CRTAC1: variants seen among roughly 807,000 people sequenced by gnomAD.
CRTAC1 encodes the protein cartilage acidic protein 1.
Under a neutral mutation model 67.8 loss-of-function variants are expected in CRTAC1, and 37 were observed. The ratio of observed to expected loss-of-function variants is 0.55; its 90% CI spans 0.42 to 0.72. The LOEUF (loss-of-function observed/expected upper bound fraction) is 0.72, where lower values mean the gene tolerates loss of function less well. Ranked by LOEUF, CRTAC1 falls within the 30% of genes least tolerant of loss-of-function variation. The probability of loss-of-function intolerance (pLI) is 0.00; values close to 1 mark genes in which losing one functional copy is unlikely to be tolerated. For missense variants in CRTAC1, 780 were observed against 931.6 expected (o/e 0.84, Z 2.12); for synonymous variants, 348 against 371.0 (o/e 0.94, Z 0.71).
At position 98,030,603 on chromosome 10, in the gene CRTAC1, CCG is replaced by C; in HGVS notation, c.-133_-132del. On this transcript the variant is annotated 5_prime_UTR_variant, in exon 1 of 15. Transcript: ENST00000370597. The surrounding 1 kb of genome is among the most constrained non-coding windows in gnomAD (Gnocchi z 4.2). The stretch of plus-strand genomic sequence containing the variant: ...TGGCCTCGAGCCTCCCGCCCCGACG[CCG>C]CGCGCTCGCTTTATACAACTCCACT... 3 of 506,486 alleles carry C rather than the reference CCG, an allele frequency of 5.9e-6. No homozygotes were observed. The highest frequency in any genetic ancestry group is 9.1e-6 in the Non-Finnish European group (3 of 328,728). The allele number at this position is 506,486 out of a possible 1,614,324, so 31.4% of individuals were successfully genotyped here.
rs781100573 is a variant in CRTAC1 at position 97,880,336 on chromosome 10, C to G, written c.1732G>C (p.Val578Leu). Residue 578 changes from valine (V) to leucine (L), a missense_variant, in exon 14 of 15, where the codon GTC becomes CTC. Transcript: ENST00000370597. ...FVCPRDKPVC[V>L]NTYGSYRCRT... ...CACCTGTAGCTTCCATAGGTGTTGA[C>G]ACATACGGGCTTGTCTCGAGGGCAC... is the stretch of plus-strand genomic sequence containing the variant. 1.2e-6 allele frequency: 2 copies of G among 1,614,180 alleles called. No individual in the cohort carries two copies. The highest frequency in any genetic ancestry group is 1.7e-6 in the Non-Finnish European group (2 of 1,180,016).
chr10:97,913,396 G>A (rs1454006380), intron 5 of CRTAC1, among the ~76,000 whole-genome samples: 2 of 152,138 alleles, frequency 1.3e-5, no homozygotes, highest in Non-Finnish European at 2.9e-5. Context: ...GGGTGGGGCA[G>A]CAGGACAGGC....
chr10:97,993,759 G>A lies in CRTAC1; in HGVS notation c.224+17379C>T, dbSNP rs139306440. On this transcript the variant is annotated intron_variant, in intron 2 of 14. Coordinates refer to ENST00000370597, the MANE Select transcript of CRTAC1 (RefSeq NM_018058.7). ...TATGTGATAGGCACTGTAGGTGCAC[G>A]GATGAAAAAGATAAAGTTCCTGCCT... 3.7e-3 allele frequency among the ~76,000 whole-genome samples: 559 copies of A among 152,302 alleles called. 1 individual carries two copies. The highest frequency in any genetic ancestry group is 0.031 in the Middle Eastern group (9 of 294).
At chr10:97,992,881 A>G (rs1338302159) in intron 2 of CRTAC1, among the ~76,000 whole-genome samples, 1 of 152,244 alleles carries the variant, frequency 6.6e-6, no homozygotes, top group East Asian at 1.9e-4. Context: ...CATGGTGACT[A>G]TAGTTAATAA....
intron 2 of CRTAC1, among the ~76,000 whole-genome samples, chr10:97,987,269 T>C (rs997154832): frequency 2.6e-5 from 4 of 152,238 alleles, no homozygotes; most frequent in African/African-American, 9.6e-5. Context: ...CTCTCATGGA[T>C]GACACACTCT....
chr10:97,943,972 A>G (rs1445339466), intron 2 of CRTAC1, among the ~76,000 whole-genome samples: 2 of 151,900 alleles, frequency 1.3e-5, no homozygotes, highest in Admixed American at 6.5e-5. Context: ...AAAAATTAGA[A>G]TAAGGTTTAG....
chr10:97,994,056 C>A (rs766275410), intron 2 of CRTAC1, among the ~76,000 whole-genome samples: 5 of 152,076 alleles, frequency 3.3e-5, no homozygotes, highest in Non-Finnish European at 5.9e-5. Context: ...GGGGTTTCAC[C>A]GTGCTGGCCA....
At position 97,884,850 on chromosome 10, in the gene CRTAC1, C is replaced by T. The variant is rs1242184425; in HGVS notation, c.1487-499G>A. ...TCTGGCATTCAAATCATGGCTCTAC[C>T]CCTTACCTGGTATGTTGGAAAGAGC... On this transcript the variant is annotated intron_variant, in intron 11 of 14. Transcript: ENST00000370597. 4.6e-5 allele frequency among the ~76,000 whole-genome samples: 7 copies of T among 152,134 alleles called. No homozygotes were observed. The East Asian group carries it at 1.3e-3, about 29-fold the overall frequency.
chr10:97,914,685 C>T (rs1180073433), intron 5 of CRTAC1, among the ~76,000 whole-genome samples: 2 of 152,194 alleles, frequency 1.3e-5, no homozygotes, highest in African/African-American at 4.8e-5. Flanking sequence ...TCACCTTCCC[C>T]TCCTCTTTTT....
chr10:98,007,219 G>A (rs1842807073), intron 2 of CRTAC1, among the ~76,000 whole-genome samples: 1 of 152,110 alleles, frequency 6.6e-6, no homozygotes, highest in South Asian at 2.1e-4. Flanking sequence ...TGCCACGTTC[G>A]CTTGGATGGC....
At chr10:97,991,112 A>T (rs1293643729) in intron 2 of CRTAC1, among the ~76,000 whole-genome samples, 2 of 147,896 alleles carry the variant, frequency 1.4e-5, no homozygotes, top group East Asian at 3.9e-4. Flanking sequence ...AAAAAAAAAA[A>T]AAAAAAAAAA....
intron 11 of CRTAC1, among the ~76,000 whole-genome samples, chr10:97,890,343 A>C (rs1402511526): frequency 6.6e-6 from 1 of 152,044 alleles, no homozygotes; most frequent in Admixed American, 6.5e-5. Flanking sequence ...TCCTGGCCTC[A>C]AGCAATCCTC....
intron 13 of CRTAC1, 61 bp downstream of exon 13, chr10:97,882,725 G>A (rs925447920): frequency 3.1e-5 from 48 of 1,570,392 alleles, no homozygotes; most frequent in Middle Eastern, 1.8e-4. Flanking sequence ...TGAGTCAGGC[G>A]GGCATTCCCC....
intron 2 of CRTAC1, among the ~76,000 whole-genome samples, chr10:98,001,817 G>C (rs1842694592): frequency 6.6e-6 from 1 of 152,142 alleles, no homozygotes; most frequent in African/African-American, 2.4e-5. Flanking sequence ...TTCCTTAGAG[G>C]GAAAATTAAG....
At chr10:97,910,808 G>A (rs2050679674) in intron 5 of CRTAC1, among the ~76,000 whole-genome samples, 2 of 152,160 alleles carry the variant, frequency 1.3e-5, no homozygotes, top group Admixed American at 1.3e-4. Context: ...CGATGGCACT[G>A]CCACTCTTAT....
intron 5 of CRTAC1, among the ~76,000 whole-genome samples, chr10:97,909,208 C>A (rs891713223): frequency 6.6e-6 from 1 of 152,136 alleles, no homozygotes; most frequent in Non-Finnish European, 1.5e-5. Flanking sequence ...AAACCACCCC[C>A]ACCCAGTGGG....
At position 97,975,658 on chromosome 10, in the gene CRTAC1, C is replaced by T. The variant is rs2051788024; in HGVS notation, c.224+35480G>A. On this transcript the variant is annotated intron_variant, in intron 2 of 14. Coordinates refer to ENST00000370597, the MANE Select transcript of CRTAC1 (RefSeq NM_018058.7). This position sits in a 1 kb window ranked among gnomAD's most constrained non-coding sequence, Gnocchi z 4.8. ...ACTCTCCCTGTGAATGACAAAAAGG[C>T]GCCCCTTCCTCCAAGCCTGCACAGC... 1.3e-5 allele frequency among the ~76,000 whole-genome samples: 2 copies of T among 152,182 alleles called. No homozygotes were observed. Among genetic ancestry groups the T allele is most frequent in the South Asian group, 4.1e-4 (2 of 4,834 alleles).
At chr10:97,872,303 G>C (rs2050102613) in intron 14 of CRTAC1, among the ~76,000 whole-genome samples, 1 of 152,186 alleles carries the variant, frequency 6.6e-6, no homozygotes, top group Non-Finnish European at 1.5e-5. Context: ...AGTGGTCACT[G>C]AAGGATACAA....
chr10:97,987,666 T>C (rs1342958700), intron 2 of CRTAC1, among the ~76,000 whole-genome samples: 1 of 152,192 alleles, frequency 6.6e-6, no homozygotes, highest in African/African-American at 2.4e-5. Flanking sequence ...AATATCCTGT[T>C]TCTTTGTTTA....
Sources: allele counts gnomAD v4.1 joint callset (sites outside exome capture counted in the v4.1 genomes callset), GRCh38; gene constraint gnomAD v4.1.1; non-coding constraint Gnocchi (gnomAD v3.1); transcripts MANE v1.5; gene names NCBI Gene and HGNC (gene_info 2026-07-23, HGNC 2026-07-21).